The following CDC25A variants were observed in gnomAD, a reference collection of about 807,000 sequenced individuals.
CDC25A encodes the protein cell division cycle 25A.
A neutral mutation model predicts 64.6 loss-of-function variants in CDC25A; 17 were observed. The observed-to-expected ratio is 0.26, with a 90% CI of 0.18 to 0.39. The LOEUF (loss-of-function observed/expected upper bound fraction) is 0.39. Among genes scored for constraint, CDC25A ranks in the 10% least tolerant of loss-of-function variants. The probability of loss-of-function intolerance (pLI) is 1.00; values close to 1 mark genes in which losing one functional copy is unlikely to be tolerated. For synonymous variants in CDC25A, 229 were observed against 238.6 expected, an observed-to-expected ratio of 0.96 and a Z score of 0.37; for missense variants, 473 against 654.8, an observed-to-expected ratio of 0.72 and a Z score of 3.03.
chr3:48,187,649 G>T, intron 1 of CDC25A, 129 bp downstream of exon 1: 1 of 919,000 alleles, frequency 1.1e-6, no homozygotes, highest in Non-Finnish European at 1.6e-6. Context: ...GCCCTAGCCC[G>T]GCTGTCCCCG....
chr3:48,169,520 A>G (rs2032184537), intron 9 of CDC25A, among the ~76,000 whole-genome samples: 1 of 152,220 alleles, frequency 6.6e-6, no homozygotes, highest in Non-Finnish European at 1.5e-5. Context: ...AAATGACTTG[A>G]GCTCTTCAAC....
chr3:48,164,248 T>C (rs1023036087), intron 13 of CDC25A, 59 bp downstream of exon 13: 1 of 1,451,640 alleles, frequency 6.9e-7, no homozygotes, highest in Non-Finnish European at 9.1e-7. Context: ...CAAACCACCA[T>C]GTCCCACAAA....
intron 5 of CDC25A, chr3:48,181,506 C>A (rs2032666882): frequency 2.8e-6 from 3 of 1,054,672 alleles, no homozygotes; most frequent in Non-Finnish European, 1.5e-6. Context: ...TTCCCCGTTG[C>A]CCTTGGTCTC....
At chr3:48,168,360 C>CCACACACACACACACACACACACA (rs58104019) in intron 9 of CDC25A, among the ~76,000 whole-genome samples, 6 of 106,606 alleles carry the variant, frequency 5.6e-5, no homozygotes, top group South Asian at 3.6e-4. Context: ...AAGACCCTGT[C>CCACACACACACACACACACACACA]CACACACACA....
chr3:48,164,222 C>G (rs1282189685), intron 13 of CDC25A, 85 bp downstream of exon 13: 41 of 1,306,526 alleles, frequency 3.1e-5, no homozygotes, highest in Non-Finnish European at 4.1e-5. Context: ...CTAAAATATG[C>G]TCCAAGTGCA....
At chr3:48,171,484 G>A (rs867543067) in intron 9 of CDC25A, among the ~76,000 whole-genome samples, 3 of 150,060 alleles carry the variant, frequency 2.0e-5, no homozygotes, top group Admixed American at 6.6e-5. Context: ...GGGTTCAAGC[G>A]ATTCTCCTGC....
intron 8 of CDC25A, 56 bp downstream of exon 8, chr3:48,177,315 T>C: frequency 7.6e-7 from 1 of 1,320,232 alleles, no homozygotes; most frequent in South Asian, 1.2e-5. Flanking sequence ...TAAGGACTAC[T>C]CTGTCCAGTG....
chr3:48,187,431 AGT>A (rs1414524163), intron 1 of CDC25A, among the ~76,000 whole-genome samples: 1 of 152,266 alleles, frequency 6.6e-6, no homozygotes, highest in African/African-American at 2.4e-5. Flanking sequence ...GGTGAAAGTG[AGT>A]GCCTAGAAGA....
Position 48,181,844 on chromosome 3 carries a change from C to T in CDC25A, c.430-1004G>A. ...AATATTACAGTGATTTCTATGCCAA[C>T]ACAGTACTAAGTACTTTCTGTGCAT... On this transcript the variant is annotated intron_variant, in intron 5 of 14. Transcript: ENST00000302506. 8.5e-6 allele frequency: 5 copies of T among 589,746 alleles called. No individual in the cohort carries two copies. The South Asian group carries it at 1.0e-4, about 12-fold the overall frequency. 36.5% of individuals were successfully genotyped at this position (589,746 alleles called of 1,614,324 possible). A position where few individuals can be genotyped will look rare whatever the true frequency, so the allele number is the denominator to read the frequency against.
intron 5 of CDC25A, chr3:48,181,725 A>G (rs2032676589): frequency 3.9e-6 from 3 of 779,130 alleles, no homozygotes; most frequent in African/African-American, 1.7e-5. Flanking sequence ...ACCTGGAAGT[A>G]AAGACTGGCT....
In CDC25A at chr3:48,184,217, C is replaced by G. The variant is rs115790430; in HGVS notation, c.291-381G>C. On this transcript the variant is annotated intron_variant, in intron 3 of 14. Transcript: ENST00000302506. ...TGTCTACTAAAAATACAAAAATTAA[C>G]CGGGTGTGGTGGTGCACTCCTGTAG... Among the ~76,000 whole-genome samples the G allele has an allele frequency of 3.8e-3, 581 of 152,032 alleles. 4 individuals are homozygous for G. The highest frequency in any genetic ancestry group is 0.014 in the African/African-American group (561 of 41,426).
Position 48,158,713 on chromosome 3 carries a change from G to A in CDC25A, c.*232C>T, listed in dbSNP as rs1255304312. 4.0e-6 allele frequency: 2 copies of A among 494,766 alleles called. No homozygotes were observed. The highest frequency in any genetic ancestry group is 7.3e-6 in the Non-Finnish European group (2 of 274,494). 30.6% of individuals were successfully genotyped at this position (494,766 alleles called of 1,614,324 possible). ...ACACGGTGCTCAGAACTGCATTGTG[G>A]CACAGTTCTGATATGGACGGAGGAC... On this transcript the variant is annotated 3_prime_UTR_variant, in exon 15 of 15. Coordinates refer to ENST00000302506, the MANE Select transcript of CDC25A (RefSeq NM_001789.3).
intron 2 of CDC25A, among the ~76,000 whole-genome samples, chr3:48,185,749 A>G (rs2032823345): frequency 6.6e-6 from 1 of 152,206 alleles, no homozygotes; most frequent in Admixed American, 6.5e-5. Flanking sequence ...GACACTGTTC[A>G]GCATTACTAA....
intron 5 of CDC25A, 102 bp downstream of exon 5, chr3:48,182,827 G>T: frequency 1.3e-6 from 1 of 747,078 alleles, no homozygotes; most frequent in South Asian, 1.6e-5. Flanking sequence ...GCACATAATG[G>T]CCAAGTTTAG....
intron 13 of CDC25A, among the ~76,000 whole-genome samples, chr3:48,162,364 C>T (rs1219230177): frequency 6.6e-6 from 1 of 151,948 alleles, no homozygotes; most frequent in Non-Finnish European, 1.5e-5. Context: ...TGGCTCACCA[C>T]AGCCTCGACC....
Position 48,159,468 on chromosome 3 carries a change from A to G in CDC25A, c.1323-13T>C. The G allele has an allele frequency of 6.3e-7, 1 of 1,591,908 alleles. No individual in the cohort carries two copies. The highest frequency in any genetic ancestry group is 8.6e-7 in the Non-Finnish European group (1 of 1,160,034). Reference sequence around the variant, plus strand: ...CACATACCGGCACCTAGTCAGGGGAAGGAAGGCCAAAGCAGGGTTAGCTTT... The same window carrying G: ...CACATACCGGCACCTAGTCAGGGGAGGGAAGGCCAAAGCAGGGTTAGCTTT... On this transcript the variant is annotated splice_polypyrimidine_tract_variant and intron_variant, in intron 13 of 14. Transcript: ENST00000302506.
intron 8 of CDC25A, 72 bp downstream of exon 8, chr3:48,177,299 C>T (rs2032500117): frequency 2.6e-6 from 3 of 1,167,342 alleles, no homozygotes; most frequent in South Asian, 2.6e-5. Flanking sequence ...TTTGGCTATA[C>T]TCAACTAAGG....
chr3:48,175,757 G>A (rs942985942), intron 8 of CDC25A, among the ~76,000 whole-genome samples: 3 of 152,194 alleles, frequency 2.0e-5, no homozygotes, highest in African/African-American at 7.2e-5. Flanking sequence ...CACATTTTAT[G>A]TAATTTTATG....
intron 7 of CDC25A, 136 bp from the exon 8 acceptor site, chr3:48,177,578 C>T (rs1051596989): frequency 1.2e-5 from 9 of 721,308 alleles, no homozygotes; most frequent in South Asian, 1.8e-5. Context: ...CATCCTATAC[C>T]GTTCTGATTT....
Sources: gnomAD v4.1 joint callset for allele counts (sites outside exome capture counted in the v4.1 genomes callset) on GRCh38, gnomAD v4.1.1 for gene constraint, MANE v1.5 for transcripts, NCBI Gene and HGNC (gene_info 2026-07-23, HGNC 2026-07-21) for gene names.